The following DYNC2I1 variants were observed in gnomAD, a reference collection of about 807,000 sequenced individuals.
The protein encoded by DYNC2I1 is cytoplasmic dynein 2 intermediate chain 1.
Under a neutral mutation model 133.4 loss-of-function variants are expected in DYNC2I1, and 89 were observed. The observed-to-expected ratio is 0.67, with a 90% CI of 0.56 to 0.80. The LOEUF (loss-of-function observed/expected upper bound fraction) is 0.80, where lower values mean the gene tolerates loss of function less well. Among genes scored for constraint, DYNC2I1 ranks in the 30% least tolerant of loss-of-function variants. DYNC2I1 has a pLI of 0.00. For synonymous variants in DYNC2I1, 504 were observed against 484.3 expected (o/e 1.04, Z -0.54); for missense variants, 1,291 against 1,314.5 (o/e 0.98, Z 0.28).
chr7:158,922,841 C>G (rs953431354), intron 16 of DYNC2I1, among the ~76,000 whole-genome samples: 15 of 152,208 alleles, frequency 9.9e-5, no homozygotes, highest in African/African-American at 3.6e-4. Flanking sequence ...AAAATACTCA[C>G]CATGCTGGGT....
Position 158,921,599 on chromosome 7 carries a change from G to A in DYNC2I1, c.1922-778G>A, listed in dbSNP as rs531080812. 3.3e-5 allele frequency among the ~76,000 whole-genome samples: 5 copies of A among 152,242 alleles called. No homozygotes were observed. In the South Asian group the frequency reaches 8.3e-4, roughly 25 times the overall value. Reference sequence around the variant, plus strand: ...GGCTGCAGCTATGAGCGATTGTGACGAGGTGGAAGGAGGGTTCCCTGGAAT... The same window carrying A: ...GGCTGCAGCTATGAGCGATTGTGACAAGGTGGAAGGAGGGTTCCCTGGAAT... On this transcript the variant is annotated intron_variant, in intron 15 of 24. Coordinates refer to ENST00000407559, the MANE Select transcript of DYNC2I1 (RefSeq NM_018051.5).
At chr7:158,866,118 C>T (rs1842381653) in intron 1 of DYNC2I1, among the ~76,000 whole-genome samples, 1 of 152,046 alleles carries the variant, frequency 6.6e-6, no homozygotes. Context: ...TTAAGAAACC[C>T]CACTGGATGG....
chr7:158,881,730 G>A (rs1585018496), intron 5 of DYNC2I1, among the ~76,000 whole-genome samples: 2 of 152,306 alleles, frequency 1.3e-5, no homozygotes, highest in South Asian at 4.1e-4. Context: ...TGGGATTACA[G>A]GCATGAGCTA....
intron 23 of DYNC2I1, among the ~76,000 whole-genome samples, chr7:158,941,624 G>C (rs1851372385): frequency 6.6e-6 from 1 of 152,228 alleles, no homozygotes; most frequent in Non-Finnish European, 1.5e-5. Flanking sequence ...GCTCACACCT[G>C]TACTCCCAGC....
rs1416588147 is a variant in DYNC2I1 at position 158,916,540 on chromosome 7, G to A, written c.1792-2200G>A. ...CGTCTACACGCTGGTTGACATTAAGGATGATTGTGAAACGTCGACACGCTG... is the reference window on the plus strand; with the variant it reads ...CGTCTACACGCTGGTTGACATTAAGAATGATTGTGAAACGTCGACACGCTG... On this transcript the variant is annotated intron_variant, in intron 14 of 24. Transcript: ENST00000407559. 1.2e-4 allele frequency among the ~76,000 whole-genome samples: 7 copies of A among 57,128 alleles called. 1 individual carries two copies. Among genetic ancestry groups the A allele is most frequent in the African/African-American group, 4.4e-4 (7 of 16,028 alleles). The allele number at this position is 57,128 out of a possible 152,430, so 37.5% of individuals were successfully genotyped here. A position where few individuals can be genotyped will look rare whatever the true frequency, so the allele number is the denominator to read the frequency against.
rs752292407 is a variant in DYNC2I1, at chr7:158,887,002, G to A, written c.936-19G>A. ...CTCATTTAAAGTAAGTTTTGATTTTGATTATGTTTGCTTTCCAGGCATGCT... is the reference window on the plus strand; with the variant it reads ...CTCATTTAAAGTAAGTTTTGATTTTAATTATGTTTGCTTTCCAGGCATGCT... On this transcript the variant is annotated intron_variant, in intron 6 of 24. Coordinates refer to ENST00000407559, the MANE Select transcript of DYNC2I1 (RefSeq NM_018051.5). 2 of 1,611,734 alleles carry A rather than the reference G, an allele frequency of 1.2e-6. No individual in the cohort carries two copies. The highest frequency in any genetic ancestry group is 1.7e-5 in the Admixed American group (1 of 59,890).
At chr7:158,897,377 T>C (rs1845852745) in intron 8 of DYNC2I1, among the ~76,000 whole-genome samples, 1 of 152,212 alleles carries the variant, frequency 6.6e-6, no homozygotes, top group African/African-American at 2.4e-5. Flanking sequence ...CTGGGCCTTG[T>C]GTTTTCTTTT....
At chr7:158,879,550 C>T in intron 4 of DYNC2I1, 134 bp from the exon 5 acceptor site, 5 of 924,814 alleles carry the variant, frequency 5.4e-6, no homozygotes, top group Non-Finnish European at 8.0e-6. Flanking sequence ...ATGTTTACTA[C>T]AGACACGATT....
At chr7:158,955,356 C>T (rs1585280779) in intron 4 of DYNC2I1, among the ~76,000 whole-genome samples, 1 of 152,208 alleles carries the variant, frequency 6.6e-6, no homozygotes, top group East Asian at 1.9e-4. Flanking sequence ...CATCCGCTGG[C>T]CCTGAACCGA....
intron 1 of DYNC2I1, among the ~76,000 whole-genome samples, chr7:158,869,174 G>A (rs891010680): frequency 1.3e-5 from 2 of 152,094 alleles, no homozygotes; most frequent in Non-Finnish European, 2.9e-5. Context: ...GGCTGTGAGG[G>A]ACCCCTCTGG....
chr7:158,857,791 CTTT>C (rs369240011), intron 1 of DYNC2I1, among the ~76,000 whole-genome samples: 24,933 of 133,340 alleles, frequency 0.19, 2,399 homozygotes, highest in Middle Eastern at 0.28. Flanking sequence ...TGCACCCGGC[CTTT>C]TTTTTTTTTT....
At chr7:158,892,147 T>C (rs1462413772) in intron 8 of DYNC2I1, among the ~76,000 whole-genome samples, 1 of 152,132 alleles carries the variant, frequency 6.6e-6, no homozygotes, top group African/African-American at 2.4e-5. Context: ...CCACACTAGG[T>C]GTGTTTGCAG....
At chr7:158,876,801 A>G (rs1430835587) in intron 4 of DYNC2I1, 110 bp downstream of exon 4, 1 of 1,408,646 alleles carries the variant, frequency 7.1e-7, no homozygotes, top group East Asian at 2.6e-5. Context: ...CCAGGATTTC[A>G]GTCCTGGAAA....
chr7:158,844,052 T>C, the DYNC2I1 span, among the ~76,000 whole-genome samples: 1 of 152,140 alleles, frequency 6.6e-6, no homozygotes, highest in African/African-American at 2.4e-5. Context: ...GCTCAATGGA[T>C]CTATATTTTG....
At chr7:158,868,490 C>T (rs568327757) in intron 1 of DYNC2I1, among the ~76,000 whole-genome samples, 2 of 152,234 alleles carry the variant, frequency 1.3e-5, no homozygotes, top group Non-Finnish European at 2.9e-5. Context: ...AAACAACAAA[C>T]ATCAGAGGAG....
the DYNC2I1 span, among the ~76,000 whole-genome samples, chr7:158,848,877 T>G: frequency 1.3e-5 from 2 of 151,038 alleles, no homozygotes; most frequent in Admixed American, 6.6e-5. Flanking sequence ...AAGCTGAGAT[T>G]GCGCCACTGC....
Position 158,922,050 on chromosome 7 carries a change from C to T in DYNC2I1, c.1922-327C>T, listed in dbSNP as rs549298505. On this transcript the variant is annotated intron_variant, in intron 15 of 24. Coordinates refer to ENST00000407559, the MANE Select transcript of DYNC2I1 (RefSeq NM_018051.5). The stretch of plus-strand genomic sequence containing the variant: ...GTTCTAAAGCAGAGGGGCAGCCAGG[C>T]GCACTGCATTACCTCCCAGCTCTGA... 7.9e-5 allele frequency among the ~76,000 whole-genome samples: 12 copies of T among 152,278 alleles called. No individual in the cohort carries two copies. The South Asian group carries it at 8.3e-4, about 11-fold the overall frequency.
intron 6 of DYNC2I1, among the ~76,000 whole-genome samples, chr7:158,885,126 C>T (rs1357138771): frequency 2.0e-5 from 3 of 152,088 alleles, no homozygotes; most frequent in Non-Finnish European, 4.4e-5. Flanking sequence ...CCGGCGAGTC[C>T]CCCTCTGCCC....
chr7:158,892,938 CAA>C (rs35161914), intron 8 of DYNC2I1, among the ~76,000 whole-genome samples: 48 of 105,700 alleles, frequency 4.5e-4, no homozygotes, highest in East Asian at 9.4e-4. Flanking sequence ...AACTCCATCT[CAA>C]AAAAAAAAAA....
Sources: allele counts gnomAD v4.1 joint callset (sites outside exome capture counted in the v4.1 genomes callset), GRCh38; gene constraint gnomAD v4.1.1; transcripts MANE v1.5; gene names NCBI Gene and HGNC (gene_info 2026-07-23, HGNC 2026-07-21).